NTRK3: variants seen among roughly 807,000 people sequenced by gnomAD.
NTRK3 encodes the protein NT-3 growth factor receptor.
NTRK3 carries 24 observed loss-of-function variants against 91.7 expected under a neutral mutation model. The observed-to-expected ratio is 0.26, with a 90% CI of 0.19 to 0.37. NTRK3 has a LOEUF of 0.37. Among genes scored for constraint, NTRK3 ranks in the 10% least tolerant of loss-of-function variants. The pLI, the probability that NTRK3 is intolerant of heterozygous loss-of-function variation, is 1.00. For missense variants in NTRK3, 880 were observed against 1,068.9 expected, an observed-to-expected ratio of 0.82 and a Z score of 2.46; for synonymous variants, 483 against 404.0, an observed-to-expected ratio of 1.20 and a Z score of -2.34.
At chr15:88,150,347 C>A (rs1027584072) in intron 5 of NTRK3, among the ~76,000 whole-genome samples, 1 of 152,122 alleles carries the variant, frequency 6.6e-6, no homozygotes, top group African/African-American at 2.4e-5. Flanking sequence ...GCAGAAATGT[C>A]AAAAGAAAAT....
intron 14 of NTRK3, among the ~76,000 whole-genome samples, chr15:87,942,595 C>T (rs186021851): frequency 5.9e-5 from 9 of 152,248 alleles, no homozygotes; most frequent in Non-Finnish European, 1.3e-4. Context: ...GGCAGCTGTA[C>T]AATGTCAAGC....
At chr15:88,060,168 G>C (rs1025843422) in intron 13 of NTRK3, among the ~76,000 whole-genome samples, 1 of 152,054 alleles carries the variant, frequency 6.6e-6, no homozygotes, top group Non-Finnish European at 1.5e-5. Flanking sequence ...ATTACTTGAG[G>C]TCAGGAGTTT....
At chr15:88,047,941 A>G (rs2080395545) in intron 13 of NTRK3, among the ~76,000 whole-genome samples, 1 of 152,222 alleles carries the variant, frequency 6.6e-6, no homozygotes, top group African/African-American at 2.4e-5. Flanking sequence ...GTGATGCAAT[A>G]TCACAAGTAA....
intron 14 of NTRK3, among the ~76,000 whole-genome samples, chr15:88,012,968 T>G (rs1011756684): frequency 2.0e-5 from 3 of 152,124 alleles, no homozygotes; most frequent in African/African-American, 2.4e-5. Flanking sequence ...AACCCCTGAC[T>G]TCGAAGAACA....
intron 6 of NTRK3, among the ~76,000 whole-genome samples, chr15:88,142,461 A>G (rs777115697): frequency 6.6e-6 from 1 of 152,224 alleles, no homozygotes; most frequent in Non-Finnish European, 1.5e-5. Flanking sequence ...AGCACAGCCA[A>G]GGCCACCACT....
intron 3 of NTRK3, among the ~76,000 whole-genome samples, chr15:88,222,433 T>C (rs2050311235): frequency 6.6e-6 from 1 of 152,250 alleles, no homozygotes; most frequent in Admixed American, 6.5e-5. Context: ...CAGTTTACGT[T>C]CCTAACCCTG....
At chr15:88,023,538 C>T (rs2077763524) in intron 14 of NTRK3, among the ~76,000 whole-genome samples, 1 of 152,100 alleles carries the variant, frequency 6.6e-6, no homozygotes. Flanking sequence ...CATTATTAAC[C>T]AAGAGTCACC....
intron 3 of NTRK3, among the ~76,000 whole-genome samples, chr15:88,254,755 A>G (rs1264526722): frequency 1.3e-5 from 2 of 152,162 alleles, no homozygotes; most frequent in Non-Finnish European, 2.9e-5. Flanking sequence ...GGACCTCAGC[A>G]CAAACCCTTC....
intron 17 of NTRK3, among the ~76,000 whole-genome samples, chr15:87,890,659 G>T (rs2065810859): frequency 6.6e-6 from 1 of 151,886 alleles, no homozygotes; most frequent in Non-Finnish European, 1.5e-5. Flanking sequence ...CTGATGCCTG[G>T]TGTTTCATCT....
chr15:88,136,167 A>G, intron 8 of NTRK3, 127 bp from the exon 9 acceptor site: 2 of 1,241,566 alleles, frequency 1.6e-6, no homozygotes, highest in South Asian at 2.5e-5. Flanking sequence ...TCTTTGTGTG[A>G]AAGCACACTG....
intron 14 of NTRK3, among the ~76,000 whole-genome samples, chr15:88,003,277 C>T (rs572819138): frequency 6.6e-6 from 1 of 152,308 alleles, no homozygotes; most frequent in East Asian, 1.9e-4. Flanking sequence ...TTGAACAATA[C>T]TATGAACCTG....
intron 13 of NTRK3, among the ~76,000 whole-genome samples, chr15:88,117,842 C>T (rs1438938650): frequency 1.3e-5 from 2 of 152,214 alleles, no homozygotes; most frequent in Admixed American, 6.5e-5. Flanking sequence ...GTTATTAACC[C>T]TTCTGAGTGC....
At chr15:88,203,565 G>A (rs2048477881) in intron 3 of NTRK3, among the ~76,000 whole-genome samples, 1 of 152,202 alleles carries the variant, frequency 6.6e-6, no homozygotes, top group African/African-American at 2.4e-5. Context: ...ACGGCTAAAA[G>A]AGGTTGATTA....
At chr15:88,063,235 A>T (rs1017597749) in intron 13 of NTRK3, among the ~76,000 whole-genome samples, 2 of 152,240 alleles carry the variant, frequency 1.3e-5, no homozygotes, top group African/African-American at 2.4e-5. Context: ...GATGTCAACA[A>T]TGACGATGAC....
At chr15:88,096,579 C>A (rs577366194) in intron 13 of NTRK3, among the ~76,000 whole-genome samples, 28 of 152,356 alleles carry the variant, frequency 1.8e-4, no homozygotes, top group Non-Finnish European at 3.8e-4. Context: ...TAAGGACTTT[C>A]TCCAGCACAG....
At chr15:88,198,642 C>T (rs1042176637) in intron 3 of NTRK3, among the ~76,000 whole-genome samples, 2 of 152,230 alleles carry the variant, frequency 1.3e-5, no homozygotes, top group African/African-American at 4.8e-5. Flanking sequence ...ACAACAAAGT[C>T]TGCTGCATTC....
chr15:88,247,258 C>T (rs2141967872), intron 3 of NTRK3, among the ~76,000 whole-genome samples: 1 of 152,256 alleles, frequency 6.6e-6, no homozygotes, highest in African/African-American at 2.4e-5. Flanking sequence ...TGTAAAAGCC[C>T]GAACCCCTCA....
At chr15:88,245,379 C>T (rs2052718886) in intron 3 of NTRK3, among the ~76,000 whole-genome samples, 1 of 152,190 alleles carries the variant, frequency 6.6e-6, no homozygotes, top group Admixed American at 6.5e-5. Context: ...AACTGAGGCT[C>T]AGAAAAGTTA....
At chr15:87,975,415 G>A (rs899225496) in intron 14 of NTRK3, among the ~76,000 whole-genome samples, 5 of 152,154 alleles carry the variant, frequency 3.3e-5, no homozygotes, top group Non-Finnish European at 7.3e-5. Context: ...CTGTCAATCT[G>A]TGCAGCAAAA....
Sources: allele counts gnomAD v4.1 joint callset (sites outside exome capture counted in the v4.1 genomes callset), GRCh38; gene constraint gnomAD v4.1.1; transcripts MANE v1.5; gene names NCBI Gene and HGNC (gene_info 2026-07-23, HGNC 2026-07-21).